RASA2: variants seen among roughly 807,000 people sequenced by gnomAD.
RASA2 encodes the protein RAS p21 protein activator 2.
RASA2 carries 155 observed loss-of-function variants against 118.2 expected under a neutral mutation model. That is an observed-to-expected ratio of 1.31 (90% confidence interval 1.15 to 1.50). The LOEUF (loss-of-function observed/expected upper bound fraction) is 1.50, where lower values mean the gene tolerates loss of function less well. RASA2 is among the 40% of genes most tolerant of loss of function. The pLI, the probability that RASA2 is intolerant of heterozygous loss-of-function variation, is 0.00. For synonymous variants in RASA2, 353 were observed against 349.1 expected, an observed-to-expected ratio of 1.01 and a Z score of -0.12; for missense variants, 1,016 against 1,009.6, an observed-to-expected ratio of 1.01 and a Z score of -0.09.
rs78002876 is a variant in RASA2, at chr3:141,554,193, A to G, written c.611+253A>G. ...CTTTAAGGAACAACTTCAGTTTTAT[A>G]CTAGTACAATGTAGTACTTTAAAAC... is the stretch of plus-strand genomic sequence containing the variant. On this transcript the variant is annotated intron_variant, in intron 6 of 23. Coordinates refer to ENST00000286364, the MANE Select transcript of RASA2 (RefSeq NM_006506.5). Among the ~76,000 whole-genome samples, 696 of 152,360 alleles carry G rather than the reference A, an allele frequency of 4.6e-3. 4 individuals are homozygous for G. Among genetic ancestry groups the G allele is most frequent in the African/African-American group, 0.016 (665 of 41,584 alleles).
chr3:141,572,905 G>A (rs987052921), intron 12 of RASA2, among the ~76,000 whole-genome samples, 182 bp downstream of exon 12: 1 of 152,114 alleles, frequency 6.6e-6, no homozygotes, highest in Non-Finnish European at 1.5e-5. Flanking sequence ...GTACAGTATA[G>A]TATAATCTAC....
At chr3:141,564,538 AG>A (rs2082787680) in intron 9 of RASA2, among the ~76,000 whole-genome samples, 1 of 152,158 alleles carries the variant, frequency 6.6e-6, no homozygotes, top group East Asian at 1.9e-4. Flanking sequence ...TTGAGGGGGT[AG>A]GGGATTCTGG....
chr3:141,541,540 A>G (rs2082404723), intron 5 of RASA2, among the ~76,000 whole-genome samples: 1 of 152,234 alleles, frequency 6.6e-6, no homozygotes, highest in Middle Eastern at 3.4e-3. Flanking sequence ...AAATAACTCC[A>G]GTACAGTTAC....
At chr3:141,588,122 T>C (rs2083234913) in intron 19 of RASA2, among the ~76,000 whole-genome samples, 1 of 152,154 alleles carries the variant, frequency 6.6e-6, no homozygotes, top group Non-Finnish European at 1.5e-5. Flanking sequence ...AAAATCCTCT[T>C]AGATTTTCAG....
chr3:141,595,087 A>C (rs924416280), intron 19 of RASA2, among the ~76,000 whole-genome samples: 1 of 152,190 alleles, frequency 6.6e-6, no homozygotes, highest in Admixed American at 6.5e-5. Context: ...GCTGTATATT[A>C]TAATATCTAG....
intron 9 of RASA2, among the ~76,000 whole-genome samples, chr3:141,567,725 T>A (rs1019009594): frequency 2.0e-5 from 3 of 152,046 alleles, no homozygotes; most frequent in Non-Finnish European, 4.4e-5. Context: ...AATAGAGCAG[T>A]AACAAGATGA....
At chr3:141,501,254 A>G (rs1369304340) in intron 1 of RASA2, among the ~76,000 whole-genome samples, 1 of 152,172 alleles carries the variant, frequency 6.6e-6, no homozygotes, top group Non-Finnish European at 1.5e-5. Flanking sequence ...ATAGAAATCC[A>G]TTGATTCTGT....
chr3:141,508,066 A>G (rs1319586772), intron 1 of RASA2, among the ~76,000 whole-genome samples: 2 of 152,134 alleles, frequency 1.3e-5, no homozygotes, highest in African/African-American at 2.4e-5. Flanking sequence ...ATACCGTCAA[A>G]CAATGTTGAG....
intron 3 of RASA2, among the ~76,000 whole-genome samples, chr3:141,521,713 T>A (rs1354133608): frequency 6.6e-6 from 1 of 152,142 alleles, no homozygotes; most frequent in African/African-American, 2.4e-5. Context: ...TTCTTAAATG[T>A]TTATTCTTTC....
At chr3:141,610,989 G>A (rs2083642668) in intron 23 of RASA2, among the ~76,000 whole-genome samples, 1 of 151,562 alleles carries the variant, frequency 6.6e-6, no homozygotes, top group Admixed American at 6.6e-5. Context: ...AGGTGTAGAT[G>A]GATACTGCAA....
Position 141,568,074 on chromosome 3 carries a change from T to A in RASA2, c.864-2838T>A, listed in dbSNP as rs957405239. Among the ~76,000 whole-genome samples, 14 of 152,324 alleles carry A rather than the reference T, an allele frequency of 9.2e-5. No homozygotes were observed. In the East Asian group the frequency reaches 1.7e-3, roughly 19 times the overall value. On this transcript the variant is annotated intron_variant, in intron 9 of 23. Transcript: ENST00000286364. ...TTTCTGAACACAATTATTTTTAAGT[T>A]ACTTATGGCCTATTAAGCTGTATAG...
At chr3:141,490,291 A>G (rs1043947064) in intron 1 of RASA2, among the ~76,000 whole-genome samples, 4 of 146,464 alleles carry the variant, frequency 2.7e-5, no homozygotes, top group Non-Finnish European at 4.5e-5. Context: ...AGTAGCAAGT[A>G]TGCTAGAACA....
At position 141,492,911 on chromosome 3, in the gene RASA2, A is replaced by C. The variant is rs1473216570; in HGVS notation, c.133+5695A>C. Among the ~76,000 whole-genome samples, 8 of 152,314 alleles carry C rather than the reference A, an allele frequency of 5.3e-5. No homozygotes were observed. The East Asian group carries it at 1.5e-3, about 29-fold the overall frequency. On this transcript the variant is annotated intron_variant, in intron 1 of 23. Transcript: ENST00000286364. Reference sequence around the variant, plus strand: ...GAAATGGGCCTAAGCTGTGAATCGGATGAAAGATCCTATTTTATCCTAAAG... The same window carrying C: ...GAAATGGGCCTAAGCTGTGAATCGGCTGAAAGATCCTATTTTATCCTAAAG...
At position 141,580,382 on chromosome 3, in the gene RASA2, T is replaced by G. The variant is rs1460007627; in HGVS notation, c.1605T>G (p.Ile535Met). Residue 535 changes from isoleucine (I) to methionine (M), a missense_variant, in exon 16 of 24, where the codon ATT (isoleucine) becomes ATG (methionine). Transcript: ENST00000286364. The part of the protein sequence containing the change: ...LRPHHPDAQT[I>M]RTLTLISKTI... ...ACATTCTTTAGGATGCACAGACAATTAGAACATTAACTCTCATCTCAAAAA... is the reference window on the plus strand; with the variant it reads ...ACATTCTTTAGGATGCACAGACAATGAGAACATTAACTCTCATCTCAAAAA... The G allele has an allele frequency of 1.9e-6, 3 of 1,606,768 alleles. No homozygotes were observed. The highest frequency in any genetic ancestry group is 4.5e-5 in the East Asian group (2 of 44,716).
At chr3:141,611,024 A>G (rs531198766) in intron 23 of RASA2, among the ~76,000 whole-genome samples, 5 of 152,344 alleles carry the variant, frequency 3.3e-5, no homozygotes, top group African/African-American at 1.2e-4. Flanking sequence ...AACAACTCGC[A>G]TTTATTGGGA....
At chr3:141,513,223 AT>A (rs1341122036) in intron 2 of RASA2, among the ~76,000 whole-genome samples, 2 of 151,560 alleles carry the variant, frequency 1.3e-5, no homozygotes, top group Admixed American at 1.3e-4. Context: ...CTTTAAAAAA[AT>A]ATCTTTCTTT....
intron 15 of RASA2, 55 bp from the exon 16 acceptor site, chr3:141,580,313 A>G: frequency 7.3e-7 from 1 of 1,371,486 alleles, no homozygotes; most frequent in Non-Finnish European, 1.0e-6. Flanking sequence ...CTACTTTTTT[A>G]TACAAACTAT....
chr3:141,493,126 A>G (rs1165929656), intron 1 of RASA2, among the ~76,000 whole-genome samples: 1 of 152,218 alleles, frequency 6.6e-6, no homozygotes, highest in East Asian at 1.9e-4. Flanking sequence ...GTCCACTATT[A>G]TCAAAGTTCT....
intron 3 of RASA2, among the ~76,000 whole-genome samples, chr3:141,517,110 A>C (rs2082039447): frequency 6.6e-6 from 1 of 152,150 alleles, no homozygotes. Context: ...ACACTTAGTA[A>C]GTGTTGGGTA....
Sources: allele counts gnomAD v4.1 joint callset (sites outside exome capture counted in the v4.1 genomes callset), GRCh38; gene constraint gnomAD v4.1.1; transcripts MANE v1.5; gene names NCBI Gene and HGNC (gene_info 2026-07-23, HGNC 2026-07-21).